The following UGT1A10 variants were observed in gnomAD, a reference collection of about 807,000 sequenced individuals.
The protein encoded by UGT1A10 is UDP glucuronosyltransferase family 1 member A10.
In UGT1A10, 49 loss-of-function variants were observed where a neutral mutation model predicts 45.8. The ratio of observed to expected loss-of-function variants is 1.07; its 90% CI spans 0.85 to 1.36. UGT1A10 has a LOEUF of 1.36. Among genes scored for constraint, UGT1A10 ranks in the 40% most tolerant of loss-of-function variants. The probability of loss-of-function intolerance (pLI) is 0.00; values close to 1 mark genes in which losing one functional copy is unlikely to be tolerated. For missense variants in UGT1A10, 745 were observed against 668.6 expected (o/e 1.11, Z -1.26); for synonymous variants, 284 against 249.7 (o/e 1.14, Z -1.29).
chr2:233,767,992 C>T, intron 3 of UGT1A10, 56 bp downstream of exon 3: 1 of 1,614,084 alleles, frequency 6.2e-7, no homozygotes, highest in South Asian at 1.1e-5. Flanking sequence ...AAGAAAATGG[C>T]TTAAGCACAG....
rs1700543708 is a variant in UGT1A10 at position 233,772,722 on chromosome 2, T to TA, written c.*164dup. On this transcript the variant is annotated 3_prime_UTR_variant, in exon 5 of 5. Transcript: ENST00000344644. ...AAAAAATTCTCTTAAATAAAAATAA[T>TA]AGACTCGCTAGTCAGTAAAGATATT... 1 of 1,454,026 alleles carries TA rather than the reference T, an allele frequency of 6.9e-7. No homozygotes were observed. The highest frequency in any genetic ancestry group is 9.0e-7 in the Non-Finnish European group (1 of 1,106,108). The allele number at this position is 1,454,026 out of a possible 1,614,324, so 90.1% of individuals were successfully genotyped here. A position where few individuals can be genotyped will look rare whatever the true frequency, so the allele number is the denominator to read the frequency against.
chr2:233,743,808 C>T (rs2125856217), intron 1 of UGT1A10: 1 of 1,367,328 alleles, frequency 7.3e-7, no homozygotes, highest in South Asian at 1.1e-5. Flanking sequence ...TCCTTGTTCT[C>T]AGGGTTTTTG....
Position 233,727,746 on chromosome 2 carries a change from G to C in UGT1A10, c.856-39288G>C, listed in dbSNP as rs369193942. Among the ~76,000 whole-genome samples the C allele has an allele frequency of 3.3e-5, 5 of 152,290 alleles. No individual in the cohort carries two copies. The East Asian group carries it at 7.7e-4, about 24-fold the overall frequency. On this transcript the variant is annotated intron_variant, in intron 1 of 4. Coordinates refer to ENST00000344644, the MANE Select transcript of UGT1A10 (RefSeq NM_019075.4). Reference sequence around the variant, plus strand: ...CTTCCTTTTCTGTGCCATCCTGCGTGTGCTGCCCTTGAGCTGGGTGTCCCC... The same window carrying C: ...CTTCCTTTTCTGTGCCATCCTGCGTCTGCTGCCCTTGAGCTGGGTGTCCCC...
chr2:233,740,112 A>C (rs1691308174), intron 1 of UGT1A10, among the ~76,000 whole-genome samples: 1 of 151,796 alleles, frequency 6.6e-6, no homozygotes, highest in African/African-American at 2.4e-5. Context: ...GCCTTTGCTT[A>C]TCTCTCACCT....
chr2:233,676,803 C>T (rs193271442), intron 1 of UGT1A10, among the ~76,000 whole-genome samples: 84 of 152,216 alleles, frequency 5.5e-4, no homozygotes, highest in African/African-American at 1.9e-3. Flanking sequence ...TGTTTTCTTG[C>T]GTGTGAATAT....
chr2:233,712,864 G>A, intron 1 of UGT1A10: 1 of 1,572,064 alleles, frequency 6.4e-7, no homozygotes, highest in Non-Finnish European at 8.6e-7. Context: ...AACTGGAGGA[G>A]GGCACTCTGT....
intron 1 of UGT1A10, among the ~76,000 whole-genome samples, chr2:233,724,362 A>T (rs1231465010): frequency 6.9e-6 from 1 of 144,202 alleles, no homozygotes; most frequent in African/African-American, 2.6e-5. Context: ...TCCCTCCCGG[A>T]CGGGGTGGCT....
At chr2:233,752,913 G>A (rs1372814851) in intron 1 of UGT1A10, among the ~76,000 whole-genome samples, 1 of 152,202 alleles carries the variant, frequency 6.6e-6, no homozygotes, top group East Asian at 1.9e-4. Context: ...CCACCTCTGA[G>A]TGACACTGGT....
In UGT1A10 at chr2:233,740,134, T is replaced by C. The variant is rs143794870; in HGVS notation, c.856-26900T>C. ...CTTATCTCTCACCTTCTGTCATGATTGTAAGTTTCCTGAGGCCTCCCCAGT... is the reference window on the plus strand; with the variant it reads ...CTTATCTCTCACCTTCTGTCATGATCGTAAGTTTCCTGAGGCCTCCCCAGT... On this transcript the variant is annotated intron_variant, in intron 1 of 4. Transcript: ENST00000344644. Among the ~76,000 whole-genome samples the C allele has an allele frequency of 9.1e-3, 1,384 of 152,004 alleles. 51 individuals carry two copies. The highest frequency in any genetic ancestry group is 0.032 in the African/African-American group (1,337 of 41,236).
chr2:233,713,664 C>T (rs17862867), intron 1 of UGT1A10: 157,954 of 1,613,772 alleles, frequency 0.098, 8,758 homozygotes, highest in South Asian at 0.2. Flanking sequence ...CTACCTTTGC[C>T]ATGCTGTTTC....
intron 1 of UGT1A10, among the ~76,000 whole-genome samples, chr2:233,666,814 A>C (rs1575411776): frequency 1.1e-5 from 1 of 90,032 alleles, no homozygotes; most frequent in Admixed American, 1.4e-4. Flanking sequence ...CCAATCCCAC[A>C]ACAGGCCCTG....
chr2:233,718,917 G>A (rs754582990), intron 1 of UGT1A10: 1 of 1,614,108 alleles, frequency 6.2e-7, no homozygotes. Flanking sequence ...AAAGGTGTTG[G>A]TGGTGCCCAC....
chr2:233,725,665 A>G (rs933805382), intron 1 of UGT1A10, among the ~76,000 whole-genome samples: 6 of 152,202 alleles, frequency 3.9e-5, no homozygotes, highest in Admixed American at 3.9e-4. Context: ...TCAATTTGGA[A>G]TAGTCACATT....
intron 1 of UGT1A10, among the ~76,000 whole-genome samples, chr2:233,647,420 A>G (rs2073633653): frequency 6.6e-6 from 1 of 152,208 alleles, no homozygotes; most frequent in Admixed American, 6.5e-5. Flanking sequence ...AGGGCATTTC[A>G]CATCCTTCTG....
intron 4 of UGT1A10, chr2:233,770,148 T>A (rs1432860944): frequency 2.0e-5 from 3 of 152,232 alleles, no homozygotes; most frequent in Admixed American, 6.5e-5. Context: ...CATTATTTTT[T>A]AAAAAAACAC....
At chr2:233,702,425 T>G (rs1292144360) in intron 1 of UGT1A10, among the ~76,000 whole-genome samples, 1 of 152,216 alleles carries the variant, frequency 6.6e-6, no homozygotes, top group East Asian at 1.9e-4. Flanking sequence ...GCGTTACTTC[T>G]TCCTTTCTAA....
At chr2:233,719,812 C>T (rs2125672172) in intron 1 of UGT1A10, 1 of 1,587,558 alleles carries the variant, frequency 6.3e-7, no homozygotes, top group South Asian at 1.1e-5. Flanking sequence ...TTCTTTATAA[C>T]AGATAAACTG....
intron 1 of UGT1A10, among the ~76,000 whole-genome samples, chr2:233,644,738 T>G (rs928759586): frequency 6.6e-6 from 1 of 152,080 alleles, no homozygotes; most frequent in African/African-American, 2.4e-5. Flanking sequence ...CCACTGTGGG[T>G]TCAGGGGGTT....
chr2:233,755,312 G>C (rs976147893), intron 1 of UGT1A10: 6 of 551,356 alleles, frequency 1.1e-5, no homozygotes, highest in Middle Eastern at 4.3e-4. Flanking sequence ...CACAGCGAGC[G>C]GCAAGGCTGC....
Sources: allele counts gnomAD v4.1 joint callset (sites outside exome capture counted in the v4.1 genomes callset), GRCh38; gene constraint gnomAD v4.1.1; transcripts MANE v1.5; gene names NCBI Gene and HGNC (gene_info 2026-07-23, HGNC 2026-07-21).